Variants in GPR158 observed in about 807,000 individuals in gnomAD.
The protein encoded by GPR158 is metabotropic glycine receptor.
Under a neutral mutation model 78.2 loss-of-function variants are expected in GPR158, and 30 were observed. The observed-to-expected ratio is 0.38, with a 90% CI of 0.29 to 0.52. The LOEUF (loss-of-function observed/expected upper bound fraction) is 0.52, where lower values mean the gene tolerates loss of function less well. Among genes scored for constraint, GPR158 ranks in the 20% least tolerant of loss-of-function variants. The pLI is 0.83. For synonymous variants in GPR158, 581 were observed against 591.1 expected (o/e 0.98, Z 0.25); for missense variants, 1,463 against 1,523.5 (o/e 0.96, Z 0.66).
intron 2 of GPR158, among the ~76,000 whole-genome samples, chr10:25,247,705 C>T (rs999852041): frequency 3.2e-3 from 490 of 151,752 alleles, no homozygotes; most frequent in Non-Finnish European, 5.5e-3. Context: ...TTTCTTAATC[C>T]AGTCTATTAT....
intron 5 of GPR158, among the ~76,000 whole-genome samples, chr10:25,550,278 C>G (rs1225213753): frequency 6.6e-6 from 1 of 152,120 alleles, no homozygotes; most frequent in Non-Finnish European, 1.5e-5. Context: ...TCAGCAGCAC[C>G]TAGCACAGTG....
At position 25,412,324 on chromosome 10, in the gene GPR158, A is replaced by G; in HGVS notation, c.1186A>G (p.Arg396Gly). The G allele has an allele frequency of 2.5e-6, 4 of 1,614,098 alleles. No homozygotes were observed. Among genetic ancestry groups the G allele is most frequent in the Non-Finnish European group, 3.4e-6 (4 of 1,179,912 alleles). The change falls in exon 4 of 11, where the codon AGG becomes GGG. Residue 396 changes from arginine (R) to glycine (G), a missense_variant. Arg to Gly is a moderately radical substitution (Grantham distance 125). Coordinates refer to ENST00000376351, the MANE Select transcript of GPR158 (RefSeq NM_020752.3). ...SEEAYVCLPC[R>G]EGCPFCADDS... Reference sequence around the variant, plus strand: ...AGAAGCCTATGTCTGCCTACCTTGCAGGGAGGGCTGCCCCTTCTGTGCTGA... The same window carrying G: ...AGAAGCCTATGTCTGCCTACCTTGCGGGGAGGGCTGCCCCTTCTGTGCTGA...
At chr10:25,516,148 T>C (rs1243095201) in intron 5 of GPR158, among the ~76,000 whole-genome samples, 1 of 152,056 alleles carries the variant, frequency 6.6e-6, no homozygotes, top group Admixed American at 6.6e-5. Flanking sequence ...TCATGTGTTT[T>C]TTGGCTGCAT....
intron 1 of GPR158, among the ~76,000 whole-genome samples, chr10:25,191,445 AAT>A (rs1409296624): frequency 6.6e-6 from 1 of 152,232 alleles, no homozygotes; most frequent in African/African-American, 2.4e-5. Flanking sequence ...AGAGCCTGAT[AAT>A]ATGTTCCCAG....
intron 2 of GPR158, among the ~76,000 whole-genome samples, chr10:25,361,433 T>A (rs1855639386): frequency 6.6e-6 from 1 of 151,960 alleles, no homozygotes; most frequent in Non-Finnish European, 1.5e-5. Flanking sequence ...CTGCTTTCAA[T>A]TATTTTGGAT....
intron 4 of GPR158, among the ~76,000 whole-genome samples, chr10:25,454,209 T>G (rs1332936680): frequency 4.5e-5 from 2 of 44,664 alleles, no homozygotes; most frequent in Non-Finnish European, 8.6e-5. Context: ...TTAATTTCTT[T>G]TTTAGATAGT....
chr10:25,396,066 T>C, intron 3 of GPR158, 53 bp downstream of exon 3: 1 of 748,442 alleles, frequency 1.3e-6, no homozygotes, highest in Admixed American at 2.4e-5. Context: ...ATATATACTA[T>C]TATTACGAAG....
At chr10:25,432,094 TC>T in intron 4 of GPR158, among the ~76,000 whole-genome samples, 1 of 152,206 alleles carries the variant, frequency 6.6e-6, no homozygotes, top group South Asian at 2.1e-4. Flanking sequence ...TACTAGTATA[TC>T]TTTATATAGT....
chr10:25,197,781 A>T (rs551019349), intron 1 of GPR158, among the ~76,000 whole-genome samples: 1 of 152,188 alleles, frequency 6.6e-6, no homozygotes, highest in Non-Finnish European at 1.5e-5. Flanking sequence ...TTCTTCATCT[A>T]TAAAGTGAGA....
At chr10:25,465,185 A>C (rs1479476093) in intron 4 of GPR158, among the ~76,000 whole-genome samples, 1 of 152,192 alleles carries the variant, frequency 6.6e-6, no homozygotes, top group Non-Finnish European at 1.5e-5. Context: ...TTGGCCTTTC[A>C]GAATTTTTTT....
At chr10:25,428,952 C>A (rs991754121) in intron 4 of GPR158, among the ~76,000 whole-genome samples, 3 of 151,936 alleles carry the variant, frequency 2.0e-5, no homozygotes, top group African/African-American at 7.2e-5. Context: ...TCTTCGGAGC[C>A]TGTGAAATAT....
chr10:25,393,873 GCA>G (rs896676513), intron 2 of GPR158: 1 of 152,202 alleles, frequency 6.6e-6, no homozygotes, highest in African/African-American at 2.4e-5. Flanking sequence ...CTGACTGAAG[GCA>G]CTGCTTAGTG....
chr10:25,252,552 G>T (rs889362503), intron 2 of GPR158, among the ~76,000 whole-genome samples: 1 of 150,614 alleles, frequency 6.6e-6, no homozygotes, highest in African/African-American at 2.4e-5. Context: ...CTCAGCTGCA[G>T]GTCTGTTGGA....
chr10:25,248,440 G>C (rs1268548706), intron 2 of GPR158, among the ~76,000 whole-genome samples: 1 of 151,824 alleles, frequency 6.6e-6, no homozygotes, highest in Non-Finnish European at 1.5e-5. Flanking sequence ...GGGTTTTTAT[G>C]GTTTTAGGTC....
rs140293037 is a variant in GPR158, at chr10:25,478,340, G to A, written c.1404+11621G>A. Among the ~76,000 whole-genome samples, 428 of 152,068 alleles carry A rather than the reference G, an allele frequency of 2.8e-3. 4 individuals carry two copies. The highest frequency in any genetic ancestry group is 9.3e-3 in the African/African-American group (387 of 41,452). Reference sequence around the variant, plus strand: ...CTTTAGTGAAATATAATAATCTCTCGTTATTTACAAAGTAGAACAAAATTA... The same window carrying A: ...CTTTAGTGAAATATAATAATCTCTCATTATTTACAAAGTAGAACAAAATTA... On this transcript the variant is annotated intron_variant, in intron 5 of 10. Transcript: ENST00000376351.
At chr10:25,494,455 A>G (rs1248276368) in intron 5 of GPR158, among the ~76,000 whole-genome samples, 1 of 152,182 alleles carries the variant, frequency 6.6e-6, no homozygotes, top group Non-Finnish European at 1.5e-5. Context: ...TGTCATTAGT[A>G]TAATCATGTA....
At chr10:25,509,648 G>A (rs1397743744) in intron 5 of GPR158, among the ~76,000 whole-genome samples, 3 of 152,196 alleles carry the variant, frequency 2.0e-5, no homozygotes, top group Non-Finnish European at 4.4e-5. Flanking sequence ...ACATGCCCAT[G>A]TTCAAAGGGC....
In GPR158 at chr10:25,488,955, A is replaced by G. The variant is rs2130644843; in HGVS notation, c.1404+22236A>G. 2.6e-5 allele frequency among the ~76,000 whole-genome samples: 4 copies of G among 152,212 alleles called. 1 individual carries two copies. The South Asian group carries it at 8.3e-4, about 32-fold the overall frequency. ...ATGAAAAAAAGGGAAAAAAACTATG[A>G]TTTTACTCTAGGATGCATTACCCTT... On this transcript the variant is annotated intron_variant, in intron 5 of 10. Coordinates refer to ENST00000376351, the MANE Select transcript of GPR158 (RefSeq NM_020752.3).
chr10:25,285,268 T>TAC (rs151075928), intron 2 of GPR158, among the ~76,000 whole-genome samples: 7,252 of 151,956 alleles, frequency 0.048, 590 homozygotes, highest in African/African-American at 0.17. Context: ...TCTCTCTCTC[T>TAC]ACACACACAC....
Sources: allele counts gnomAD v4.1 joint callset (sites outside exome capture counted in the v4.1 genomes callset), GRCh38; gene constraint gnomAD v4.1.1; transcripts MANE v1.5; gene names NCBI Gene and HGNC (gene_info 2026-07-23, HGNC 2026-07-21).